The following LIPA variants were observed in gnomAD, a reference collection of about 807,000 sequenced individuals.
LIPA encodes lysosomal acid lipase/cholesteryl ester hydrolase.
Under a neutral mutation model 40.6 loss-of-function variants are expected in LIPA, and 26 were observed. The observed-to-expected ratio is 0.64, with a 90% CI of 0.47 to 0.89. The LOEUF is 0.89. Ranked by LOEUF, LIPA falls within the 40% of genes least tolerant of loss-of-function variation. The pLI is 0.00. For missense variants in LIPA, 455 were observed against 479.6 expected (o/e 0.95, Z 0.48); for synonymous variants, 188 against 168.4 (o/e 1.12, Z -0.90).
intron 2 of LIPA, among the ~76,000 whole-genome samples, chr10:89,351,876 G>T (rs1447137205): frequency 6.6e-6 from 1 of 152,246 alleles, no homozygotes; most frequent in Non-Finnish European, 1.5e-5. Flanking sequence ...ACTAAAAATT[G>T]ATTTTTCAAA....
At chr10:89,290,095 T>C (rs1275375009) in intron 1 of LIPA, among the ~76,000 whole-genome samples, 1 of 152,034 alleles carries the variant, frequency 6.6e-6, no homozygotes, top group African/African-American at 2.4e-5. Flanking sequence ...AACTCAAAGA[T>C]AGAGCCTAAA....
intron 5 of LIPA, among the ~76,000 whole-genome samples, chr10:89,225,855 G>C (rs913799784): frequency 2.0e-5 from 3 of 152,078 alleles, no homozygotes; most frequent in African/African-American, 7.2e-5. Context: ...CTTGAGATTT[G>C]ATGGTTTTAT....
chr10:89,279,783 TGG>T (rs1843306039), intron 1 of LIPA, among the ~76,000 whole-genome samples: 1 of 152,110 alleles, frequency 6.6e-6, no homozygotes, highest in Non-Finnish European at 1.5e-5. Flanking sequence ...AAGTGGGAAA[TGG>T]TAGCCAAGTG....
rs140488274 is a variant in LIPA, at chr10:89,223,853, A to G, written c.676-23T>C. ...GTCCTACAAAATAAAAAGAAACCCA[A>G]GAACATCTCAGCATTTCACTCTGGT... is the stretch of plus-strand genomic sequence containing the variant. On this transcript the variant is annotated intron_variant, in intron 6 of 9. Coordinates refer to ENST00000336233, the MANE Select transcript of LIPA (RefSeq NM_000235.4). 207 of 1,613,042 alleles carry G rather than the reference A, an allele frequency of 1.3e-4. No homozygotes were observed. The Middle Eastern group carries it at 1.5e-3, about 12-fold the overall frequency.
chr10:89,285,357 C>G (rs1432747656), intron 1 of LIPA: 2 of 152,374 alleles, frequency 1.3e-5, no homozygotes, highest in Non-Finnish European at 2.9e-5. Context: ...TTCAATCTTT[C>G]CCTTCTCTTA....
In LIPA at chr10:89,340,001, C is replaced by A. The variant is rs777883179; in HGVS notation, c.-2+2610G>T. Reference sequence around the variant, plus strand: ...GAACTGGGCCGCCTGCTAAGGGATGCCCCTTCAGGCATAGGCAGTATTTTC... The same window carrying A: ...GAACTGGGCCGCCTGCTAAGGGATGACCCTTCAGGCATAGGCAGTATTTTC... On this transcript the variant is annotated intron_variant, in intron 1 of 5. Transcript: ENST00000282673. The A allele has an allele frequency of 6.8e-6, 11 of 1,614,178 alleles. No homozygotes were observed. The highest frequency in any genetic ancestry group is 1.7e-5 in the Admixed American group (1 of 59,996).
intron 2 of LIPA, among the ~76,000 whole-genome samples, chr10:89,349,685 G>A (rs1346590782): frequency 6.6e-6 from 1 of 152,156 alleles, no homozygotes; most frequent in Admixed American, 6.5e-5. Context: ...GTCAGGAGTG[G>A]TTGGAGGGGT....
chr10:89,338,664 G>C, intron 1 of LIPA: 1 of 1,610,162 alleles, frequency 6.2e-7, no homozygotes, highest in Non-Finnish European at 8.5e-7. Flanking sequence ...TCCACAGTGA[G>C]GTCACCAAGA....
chr10:89,362,120 T>A (rs1438474283), intron 2 of LIPA, among the ~76,000 whole-genome samples: 1 of 151,982 alleles, frequency 6.6e-6, no homozygotes, highest in Non-Finnish European at 1.5e-5. Flanking sequence ...CCCAGGCAGA[T>A]CTTGAACTCC....
chr10:89,222,494 A>C lies in LIPA; in HGVS notation c.894+17T>G. On this transcript the variant is annotated intron_variant, in intron 8 of 9. Transcript: ENST00000336233. The stretch of plus-strand genomic sequence containing the variant: ...TTGATTTTACATGAACCCCAAATGC[A>C]CTCCTGGAATGCCTACCTGGCTCCA... 3 of 1,553,824 alleles carry C rather than the reference A, an allele frequency of 1.9e-6. No homozygotes were observed. The highest frequency in any genetic ancestry group is 2.7e-6 in the Non-Finnish European group (3 of 1,125,254).
At chr10:89,370,170 T>A (rs147815248) in intron 2 of LIPA, among the ~76,000 whole-genome samples, 119 of 152,296 alleles carry the variant, frequency 7.8e-4, no homozygotes, top group African/African-American at 2.8e-3. Context: ...CAGTGCTCAA[T>A]AGTAATATAT....
chr10:89,366,122 T>A (rs1336814248), intron 2 of LIPA, among the ~76,000 whole-genome samples: 2 of 152,204 alleles, frequency 1.3e-5, no homozygotes, highest in Non-Finnish European at 2.9e-5. Flanking sequence ...CCTCTTTTAT[T>A]TCGTTGAGCA....
intron 1 of LIPA, chr10:89,308,361 CTT>C (rs1018317901): frequency 1.3e-4 from 19 of 151,960 alleles, no homozygotes; most frequent in African/African-American, 4.1e-4. Context: ...TGTTCAAATG[CTT>C]TCATGAACCT....
intron 1 of LIPA, among the ~76,000 whole-genome samples, chr10:89,290,582 G>T (rs1843368347): frequency 6.6e-6 from 1 of 152,144 alleles, no homozygotes; most frequent in Non-Finnish European, 1.5e-5. Context: ...AGTAACTGAA[G>T]AATCACAAAA....
intron 1 of LIPA, among the ~76,000 whole-genome samples, chr10:89,297,286 T>C (rs535876061): frequency 3.3e-5 from 5 of 152,142 alleles, no homozygotes; most frequent in Admixed American, 3.3e-4. Flanking sequence ...CTGACACCAG[T>C]ATGGGTGGTG....
At chr10:89,301,971 C>A in intron 1 of LIPA, 1 of 610,874 alleles carries the variant, frequency 1.6e-6, no homozygotes, top group African/African-American at 1.9e-5. Context: ...CCTTTTGTAA[C>A]GTCAGCTGAA....
chr10:89,308,800 T>G lies in LIPA; in HGVS notation c.-2+33811A>C, dbSNP rs117455202. On this transcript the variant is annotated intron_variant, in intron 1 of 5. Coordinates refer to the LIPA transcript ENST00000282673. ...ATTCTAACCACTGTAACAACAGTTT[T>G]TGTGTTATTTTCTGTATTAAACATC... The G allele has an allele frequency of 5.0e-4, 76 of 152,378 alleles. 1 individual carries two copies. In the East Asian group the frequency reaches 0.014, roughly 28 times the overall value. The allele number at this position is 152,378 out of a possible 1,614,324, so 9.4% of individuals were successfully genotyped here. A position where few individuals can be genotyped will look rare whatever the true frequency, so the allele number is the denominator to read the frequency against.
chr10:89,389,726 T>C (rs1185148896), intron 2 of LIPA, among the ~76,000 whole-genome samples: 8 of 152,222 alleles, frequency 5.3e-5, no homozygotes, highest in African/African-American at 4.8e-5. Context: ...TAACATTCTT[T>C]TTCCATATCA....
At chr10:89,354,290 A>G (rs2133588376) in intron 2 of LIPA, among the ~76,000 whole-genome samples, 1 of 152,346 alleles carries the variant, frequency 6.6e-6, no homozygotes, top group Non-Finnish European at 1.5e-5. Context: ...TTTCTGAACC[A>G]AATCAACGTA....
Sources: gnomAD v4.1 joint callset for allele counts (sites outside exome capture counted in the v4.1 genomes callset) on GRCh38, gnomAD v4.1.1 for gene constraint, MANE v1.5 for transcripts, NCBI Gene and HGNC (gene_info 2026-07-23, HGNC 2026-07-21) for gene names.